SLC12A1: variants seen among roughly 807,000 people sequenced by gnomAD.
SLC12A1 encodes the protein solute carrier family 12 member 1.
SLC12A1 carries 89 observed loss-of-function variants against 130.4 expected under a neutral mutation model. The observed-to-expected ratio is 0.68, with a 90% CI of 0.58 to 0.81. The LOEUF (loss-of-function observed/expected upper bound fraction) is 0.81. Among genes scored for constraint, SLC12A1 ranks in the 40% least tolerant of loss-of-function variants. The probability of loss-of-function intolerance (pLI) is 0.00; values close to 1 mark genes in which losing one functional copy is unlikely to be tolerated. For missense variants in SLC12A1, 1,310 were observed against 1,336.4 expected (o/e 0.98, Z 0.31); for synonymous variants, 499 against 460.0 (o/e 1.08, Z -1.09).
At chr15:48,231,090 C>T (rs1327481378) in intron 7 of SLC12A1, among the ~76,000 whole-genome samples, 4 of 152,088 alleles carry the variant, frequency 2.6e-5, no homozygotes, top group African/African-American at 9.7e-5. Flanking sequence ...TTCCTACGAG[C>T]CTGTGGATGA....
intron 17 of SLC12A1, among the ~76,000 whole-genome samples, chr15:48,260,634 A>G (rs887642976): frequency 6.6e-6 from 1 of 152,188 alleles, no homozygotes; most frequent in Non-Finnish European, 1.5e-5. Context: ...AGTCCAGGCC[A>G]CACAAGTGTG....
At chr15:48,217,255 A>G (rs1163721204) in intron 2 of SLC12A1, among the ~76,000 whole-genome samples, 1 of 152,218 alleles carries the variant, frequency 6.6e-6, no homozygotes, top group Non-Finnish European at 1.5e-5. Flanking sequence ...GATTAAGTAT[A>G]TCTTTAAAAT....
chr15:48,274,701 T>C (rs774010736), intron 20 of SLC12A1, 48 bp downstream of exon 20: 7 of 1,310,070 alleles, frequency 5.3e-6, no homozygotes, highest in African/African-American at 2.9e-5. Context: ...GAGCACCTAC[T>C]TTGTGCCTGA....
At chr15:48,269,862 T>C (rs2041874003) in intron 19 of SLC12A1, 98 bp downstream of exon 19, 1 of 606,864 alleles carries the variant, frequency 1.6e-6, no homozygotes, top group Non-Finnish European at 2.9e-6. Context: ...TCAGATTAAA[T>C]TGCCTGAGAA....
chr15:48,249,823 G>A, intron 14 of SLC12A1, 147 bp downstream of exon 14: 1 of 618,940 alleles, frequency 1.6e-6, no homozygotes, highest in Non-Finnish European at 2.8e-6. Flanking sequence ...ATTTTGGTGA[G>A]TTTGGGGATG....
chr15:48,272,458 G>A (rs183111334), intron 19 of SLC12A1, among the ~76,000 whole-genome samples: 11 of 146,760 alleles, frequency 7.5e-5, no homozygotes, highest in East Asian at 4.3e-4. Flanking sequence ...ACAGAGTCTC[G>A]CTCTGTTGCC....
chr15:48,209,640 G>A (rs751964170), intron 2 of SLC12A1, among the ~76,000 whole-genome samples: 2 of 151,908 alleles, frequency 1.3e-5, no homozygotes, highest in Admixed American at 1.3e-4. Flanking sequence ...ATCCACACCC[G>A]AGAGTCTAGG....
At position 48,298,835 on chromosome 15, in the gene SLC12A1, A is replaced by G. The variant is rs114549527; in HGVS notation, c.2961-305A>G. Among the ~76,000 whole-genome samples, 942 of 152,348 alleles carry G rather than the reference A, an allele frequency of 6.2e-3. 18 individuals carry two copies. Among genetic ancestry groups the G allele is most frequent in the African/African-American group, 0.022 (908 of 41,584 alleles). ...ATGCAGAAAATGTCTTTGCAGAACA[A>G]TTACTACCTATGTGTATATGTGTTA... On this transcript the variant is annotated intron_variant, in intron 24 of 26. Transcript: ENST00000380993.
Position 48,208,079 on chromosome 15 carries a change from C to T in SLC12A1, c.360C>T (p.Ser120=), listed in dbSNP as rs748478237. 10 of 1,612,938 alleles carry T rather than the reference C, an allele frequency of 6.2e-6. No homozygotes were observed. The South Asian group carries it at 1.1e-4, about 18-fold the overall frequency. The stretch of plus-strand genomic sequence containing the variant: ...TAGAGTACTATCGTAACACCGGCAG[C>T]ATCAGTGGGCCCAAGGTCAACCGAC... The part of the protein sequence containing the change: ...PKIEYYRNTG[S]ISGPKVNRPS... The change falls in exon 2 of 27, where the codon AGC becomes AGT. Residue 120 remains serine (S), a synonymous_variant. Coordinates refer to ENST00000380993, the MANE Select transcript of SLC12A1 (RefSeq NM_000338.3).
In SLC12A1 at chr15:48,227,123, C is replaced by T. The variant is rs896992200; in HGVS notation, c.724+552C>T. On this transcript the variant is annotated intron_variant, in intron 5 of 26. Transcript: ENST00000380993. ...TGGCCTAAGTGTGGTAGTAACGACA[C>T]TCACAGGTATTTCTATGTCTGCTAT... 9 of 1,552,114 alleles carry T rather than the reference C, an allele frequency of 5.8e-6. No homozygotes were observed. The East Asian group carries it at 1.7e-4, about 29-fold the overall frequency.
At position 48,229,275 on chromosome 15, in the gene SLC12A1, G is replaced by A. The variant is rs1209046543; in HGVS notation, c.811G>A (p.Ala271Thr). 6.2e-7 allele frequency: 1 copy of A among 1,604,956 alleles called. No individual in the cohort carries two copies. Among genetic ancestry groups the A allele is most frequent in the Middle Eastern group, 1.7e-4 (1 of 6,050 alleles). ...GLIFAFANAV[A>T]VAMYVVGFAE... The stretch of plus-strand genomic sequence containing the variant: ...GATCTTTGCTTTTGCTAATGCAGTG[G>A]CTGTTGCTATGTATGTGGTGGGATT... The change falls in exon 6 of 27, where the codon GCT (alanine) becomes ACT (threonine). Residue 271 changes from alanine to threonine, a missense_variant. Transcript: ENST00000380993.
chr15:48,229,088 T>A, intron 5 of SLC12A1, 101 bp from the exon 6 acceptor site: 2 of 1,278,920 alleles, frequency 1.6e-6, no homozygotes, highest in African/African-American at 1.5e-5. Flanking sequence ...AATACTGTTA[T>A]TGAAATAATT....
At chr15:48,287,266 T>C (rs1206498556) in intron 21 of SLC12A1, among the ~76,000 whole-genome samples, 2 of 152,190 alleles carry the variant, frequency 1.3e-5, no homozygotes, top group African/African-American at 2.4e-5. Flanking sequence ...GTATCCATGT[T>C]AGGGTAGAAA....
intron 2 of SLC12A1, among the ~76,000 whole-genome samples, chr15:48,210,993 G>A (rs1460504145): frequency 6.6e-6 from 1 of 152,144 alleles, no homozygotes; most frequent in Non-Finnish European, 1.5e-5. Flanking sequence ...ACTAAAGACT[G>A]AACTTCGACT....
At chr15:48,290,242 T>A (rs1039818422) in intron 23 of SLC12A1, among the ~76,000 whole-genome samples, 1 of 152,174 alleles carries the variant, frequency 6.6e-6, no homozygotes, top group Admixed American at 6.5e-5. Flanking sequence ...CACCTCCACA[T>A]CCTGTATCCC....
At chr15:48,273,530 T>C (rs934957163) in intron 19 of SLC12A1, among the ~76,000 whole-genome samples, 1 of 152,232 alleles carries the variant, frequency 6.6e-6, no homozygotes, top group African/African-American at 2.4e-5. Flanking sequence ...CTACCTAACA[T>C]AGAATCCAAA....
At chr15:48,262,851 G>C (rs927493704) in intron 17 of SLC12A1, among the ~76,000 whole-genome samples, 6 of 152,144 alleles carry the variant, frequency 3.9e-5, no homozygotes, top group Admixed American at 3.9e-4. Flanking sequence ...AAGTTCAACA[G>C]GTTCAGCAAA....
chr15:48,208,393 G>A (rs1319448386), intron 2 of SLC12A1, among the ~76,000 whole-genome samples: 1 of 151,892 alleles, frequency 6.6e-6, no homozygotes, highest in East Asian at 1.9e-4. Flanking sequence ...GGACACTGCA[G>A]CTTTGAACTC....
chr15:48,302,844 G>A lies in SLC12A1; in HGVS notation c.3259G>A (p.Val1087Ile). The A allele has an allele frequency of 6.2e-7, 1 of 1,612,922 alleles. No homozygotes were observed. The highest frequency in any genetic ancestry group is 2.2e-5 in the East Asian group (1 of 44,848). The change falls in exon 27 of 27, where the codon GTT becomes ATT. Residue 1087 changes from valine to isoleucine, a missense_variant. Physicochemically the swap from Val to Ile is conservative, Grantham distance 29. Transcript: ENST00000380993. ...AAAGAACCTCCCACCTGTCTTACTA[G>A]TTAGAGGAAATCACAAAAATGTCTT... is the stretch of plus-strand genomic sequence containing the variant. ...LTKNLPPVLLVRGNHKNVLTF... is the reference protein window; with the variant it reads ...LTKNLPPVLLIRGNHKNVLTF...
Sources: gnomAD v4.1 joint callset for allele counts (sites outside exome capture counted in the v4.1 genomes callset) on GRCh38, gnomAD v4.1.1 for gene constraint, MANE v1.5 for transcripts, NCBI Gene and HGNC (gene_info 2026-07-23, HGNC 2026-07-21) for gene names.